EPHA3: variants seen among roughly 807,000 people sequenced by gnomAD.
EPHA3 encodes EPH receptor A3.
In EPHA3, 42 loss-of-function variants were observed where a neutral mutation model predicts 107.1. The observed-to-expected ratio is 0.39, with a 90% CI of 0.31 to 0.51. EPHA3 has a LOEUF of 0.51. Ranked by LOEUF, EPHA3 falls within the 20% of genes least tolerant of loss-of-function variation. The pLI is 0.78. For synonymous variants in EPHA3, 461 were observed against 424.8 expected (o/e 1.09, Z -1.05); for missense variants, 1,183 against 1,211.2 (o/e 0.98, Z 0.35).
chr3:89,107,970 A>G (rs1181955443), intron 1 of EPHA3, 134 bp downstream of exon 1: 1 of 730,720 alleles, frequency 1.4e-6, no homozygotes, highest in East Asian at 2.7e-5. Context: ...TGAAGGAAAG[A>G]TGTGCCTTTT....
chr3:89,123,213 C>T (rs12714731), intron 1 of EPHA3, among the ~76,000 whole-genome samples: 77,918 of 152,042 alleles, frequency 0.51, 21,421 homozygotes, highest in Admixed American at 0.63. Flanking sequence ...GGCGCAATCT[C>T]GGCTCACTGC....
intron 2 of EPHA3, among the ~76,000 whole-genome samples, chr3:89,196,867 G>C (rs1051568184): frequency 1.3e-5 from 2 of 151,896 alleles, no homozygotes; most frequent in Non-Finnish European, 2.9e-5. Flanking sequence ...ATAAAATCCC[G>C]TGGCTCTACC....
intron 2 of EPHA3, among the ~76,000 whole-genome samples, chr3:89,202,221 G>A (rs185839857): frequency 3.4e-4 from 52 of 152,022 alleles, no homozygotes; most frequent in South Asian, 1.9e-3. Flanking sequence ...GTGGCCAAGC[G>A]TGGTGTCTCA....
At chr3:89,244,239 C>G (rs566906793) in intron 3 of EPHA3, among the ~76,000 whole-genome samples, 1 of 151,866 alleles carries the variant, frequency 6.6e-6, no homozygotes, top group Admixed American at 6.6e-5. Context: ...AATAAAATAG[C>G]TAGGTTACCA....
intron 5 of EPHA3, among the ~76,000 whole-genome samples, chr3:89,342,854 CACAT>C (rs1209617659): frequency 1.0e-4 from 14 of 135,748 alleles, no homozygotes; most frequent in African/African-American, 4.4e-4. Context: ...CTTATTTTTA[CACAT>C]ACACACACAC....
At chr3:89,152,855 C>T (rs1704718629) in intron 2 of EPHA3, among the ~76,000 whole-genome samples, 1 of 152,042 alleles carries the variant, frequency 6.6e-6, no homozygotes, top group Admixed American at 6.6e-5. Context: ...AAACTAGCAA[C>T]TAAATTCCAG....
chr3:89,377,798 C>T (rs1226605139), intron 5 of EPHA3, among the ~76,000 whole-genome samples: 3 of 151,964 alleles, frequency 2.0e-5, no homozygotes, highest in East Asian at 1.9e-4. Context: ...ACCAGGCCAG[C>T]AACACTTTAT....
intron 3 of EPHA3, among the ~76,000 whole-genome samples, chr3:89,321,271 G>T (rs1267140056): frequency 6.6e-6 from 1 of 151,928 alleles, no homozygotes; most frequent in African/African-American, 2.4e-5. Flanking sequence ...TGAGATCTGG[G>T]ACTAGTTCTT....
intron 9 of EPHA3, among the ~76,000 whole-genome samples, chr3:89,412,458 G>A (rs2107521292): frequency 6.6e-6 from 1 of 151,392 alleles, no homozygotes; most frequent in African/African-American, 2.4e-5. Flanking sequence ...ATGTTATAAA[G>A]CTATACAATA....
chr3:89,275,071 G>A (rs538830547), intron 3 of EPHA3, among the ~76,000 whole-genome samples: 1 of 151,984 alleles, frequency 6.6e-6, no homozygotes, highest in Non-Finnish European at 1.5e-5. Flanking sequence ...CTTGTTCAAG[G>A]TCAAATAGAT....
In EPHA3 at chr3:89,429,601, C is replaced by T. The variant is rs562114527; in HGVS notation, c.2136+434C>T. Reference sequence around the variant, plus strand: ...CAGAAAATAAGCATGTGCTATAATGCTAAAGTATATATAGTTTTAATTTAG... The same window carrying T: ...CAGAAAATAAGCATGTGCTATAATGTTAAAGTATATATAGTTTTAATTTAG... On this transcript the variant is annotated intron_variant, in intron 12 of 16. Coordinates refer to ENST00000336596, the MANE Select transcript of EPHA3 (RefSeq NM_005233.6). Among the ~76,000 whole-genome samples the T allele has an allele frequency of 2.6e-5, 4 of 152,062 alleles. No homozygotes were observed. The South Asian group carries it at 6.2e-4, about 24-fold the overall frequency.
In EPHA3 at chr3:89,386,903, A is replaced by G. The variant is rs559189083; in HGVS notation, c.1307-8934A>G. On this transcript the variant is annotated intron_variant, in intron 5 of 16. Transcript: ENST00000336596. The stretch of plus-strand genomic sequence containing the variant: ...TTGCCTTGTTTGATTTTGGACTTGC[A>G]TGGGCCTGGAGTCCCTTTGTTTTGG... Among the ~76,000 whole-genome samples, 10 of 152,328 alleles carry G rather than the reference A, an allele frequency of 6.6e-5. No individual in the cohort carries two copies. In the East Asian group the frequency reaches 1.9e-3, roughly 29 times the overall value.
At chr3:89,388,400 C>T (rs1372011340) in intron 5 of EPHA3, among the ~76,000 whole-genome samples, 4 of 152,068 alleles carry the variant, frequency 2.6e-5, no homozygotes, top group Non-Finnish European at 5.9e-5. Context: ...GGAGAAGGAG[C>T]AACTATACTG....
intron 3 of EPHA3, among the ~76,000 whole-genome samples, chr3:89,242,858 C>G (rs1369120942): frequency 1.3e-5 from 2 of 151,738 alleles, no homozygotes; most frequent in South Asian, 2.1e-4. Flanking sequence ...CACCCATTAA[C>G]TCGTCATTTA....
chr3:89,341,863 A>G lies in EPHA3; in HGVS notation c.1079A>G (p.Asn360Ser). 1 of 1,613,928 alleles carries G rather than the reference A, an allele frequency of 6.2e-7. No individual in the cohort carries two copies. The highest frequency in any genetic ancestry group is 8.5e-7 in the Non-Finnish European group (1 of 1,180,006). ...DTGGRKDVTF[N>S]IICKKCGWNI... ...GGAGGCCGGAAAGATGTTACCTTCA[A>G]CATCATATGTAAAAAATGTGGGTGG... Residue 360 changes from asparagine to serine, a missense_variant, in exon 5 of 17, where the codon AAC (asparagine) becomes AGC (serine). Physicochemically the swap from Asn to Ser is conservative, Grantham distance 46 (BLOSUM62 1). Transcript: ENST00000336596.
Position 89,395,902 on chromosome 3 carries a change from C to A in EPHA3, c.1372C>A (p.Gln458Lys). The change falls in exon 6 of 17, where the codon CAA (glutamine) becomes AAA (lysine). Residue 458 changes from glutamine (Q) to lysine (K), a missense_variant. Physicochemically the swap from Gln to Lys is moderately conservative, Grantham distance 53. Transcript: ENST00000336596. ...TSRNSISLSWQEPEHPNGIIL... is the reference protein window; with the variant it reads ...TSRNSISLSWKEPEHPNGIIL... ...CAGAAATAGCATCTCTTTGTCCTGG[C>A]AAGAACCTGAACATCCTAATGGGAT... The A allele has an allele frequency of 1.2e-6, 2 of 1,613,992 alleles. No homozygotes were observed. The highest frequency in any genetic ancestry group is 1.7e-6 in the Non-Finnish European group (2 of 1,179,950).
intron 5 of EPHA3, among the ~76,000 whole-genome samples, chr3:89,366,033 G>A (rs553616224): frequency 6.6e-6 from 1 of 150,644 alleles, no homozygotes; most frequent in African/African-American, 2.4e-5. Flanking sequence ...CAAACCAGTT[G>A]ACACACTAAT....
intron 3 of EPHA3, among the ~76,000 whole-genome samples, chr3:89,328,895 T>TAA (rs1707230391): frequency 1.3e-5 from 2 of 152,128 alleles, no homozygotes. Context: ...GGTACATCGT[T>TAA]CTGGAAAAGG....
At chr3:89,427,960 A>C (rs1423825057) in intron 11 of EPHA3, among the ~76,000 whole-genome samples, 1 of 151,922 alleles carries the variant, frequency 6.6e-6, no homozygotes, top group Non-Finnish European at 1.5e-5. Context: ...TGTTACCATA[A>C]TGTATATAGA....
Sources: gnomAD v4.1 joint callset for allele counts (sites outside exome capture counted in the v4.1 genomes callset) on GRCh38, gnomAD v4.1.1 for gene constraint, MANE v1.5 for transcripts, NCBI Gene and HGNC (gene_info 2026-07-23, HGNC 2026-07-21) for gene names.